Variants in TTC39B observed in about 807,000 individuals in gnomAD.
TTC39B encodes tetratricopeptide repeat protein 39B.
In TTC39B, 92 loss-of-function variants were observed where a neutral mutation model predicts 96.6. The observed-to-expected ratio is 0.95, with a 90% CI of 0.80 to 1.13. TTC39B has a LOEUF of 1.13. TTC39B is among the 50% of genes most tolerant of loss of function. The probability of loss-of-function intolerance (pLI) is 0.00; values close to 1 mark genes in which losing one functional copy is unlikely to be tolerated. For synonymous variants in TTC39B, 367 were observed against 299.4 expected (o/e 1.23, Z -2.33); for missense variants, 955 against 809.3 (o/e 1.18, Z -2.18).
chr9:15,195,851 T>C lies in TTC39B; in HGVS notation c.825-3156A>G, dbSNP rs1048142326. Among the ~76,000 whole-genome samples, 7 of 152,166 alleles carry C rather than the reference T, an allele frequency of 4.6e-5. No individual in the cohort carries two copies. In the East Asian group the frequency reaches 1.4e-3, roughly 29 times the overall value. On this transcript the variant is annotated intron_variant, in intron 8 of 19. Transcript: ENST00000512701. The stretch of plus-strand genomic sequence containing the variant: ...AAGAAGATGCTATCTAGAACTTTCA[T>C]ATCTAGAGAGGAGAAGTCAACGCCT...
intron 1 of TTC39B, among the ~76,000 whole-genome samples, chr9:15,293,097 T>C (rs1396897838): frequency 6.6e-6 from 1 of 152,240 alleles, no homozygotes; most frequent in Non-Finnish European, 1.5e-5. Flanking sequence ...GTTTTTTATA[T>C]TGTATACCAC....
chr9:15,173,536 A>T (rs1400194106), intron 19 of TTC39B, among the ~76,000 whole-genome samples: 1 of 152,052 alleles, frequency 6.6e-6, no homozygotes. Context: ...CTCATAACTG[A>T]CCATGCTCTT....
At chr9:15,219,803 ATT>A (rs1820740751) in intron 3 of TTC39B, among the ~76,000 whole-genome samples, 1 of 152,172 alleles carries the variant, frequency 6.6e-6, no homozygotes, top group South Asian at 2.1e-4. Flanking sequence ...AGAAAAGTCT[ATT>A]CTCTCAGCGA....
intron 2 of TTC39B, chr9:15,248,896 T>A (rs1164878802): frequency 6.6e-6 from 1 of 152,226 alleles, no homozygotes; most frequent in Admixed American, 6.5e-5. Flanking sequence ...TCAAACATAT[T>A]CTGCATCTAC....
At position 15,302,506 on chromosome 9, in the gene TTC39B, C is replaced by A. The variant is rs889391670; in HGVS notation, c.240+4578G>T. On this transcript the variant is annotated intron_variant, in intron 1 of 19. Coordinates refer to ENST00000512701, the Ensembl canonical transcript of TTC39B. ...GTGGCACATGCATCACGCCACTGCA[C>A]TCCAATCTGGGTGACAAAGCGAGAT... 5.2e-5 allele frequency among the ~76,000 whole-genome samples: 7 copies of A among 134,000 alleles called. No homozygotes were observed. The South Asian group carries it at 1.5e-3, about 28-fold the overall frequency. The allele number at this position is 134,000 out of a possible 152,430, so 87.9% of individuals were successfully genotyped here.
At chr9:15,295,130 A>G (rs974243636) in intron 1 of TTC39B, among the ~76,000 whole-genome samples, 3 of 152,214 alleles carry the variant, frequency 2.0e-5, no homozygotes, top group Non-Finnish European at 4.4e-5. Flanking sequence ...CATTACAAAC[A>G]AACTTAAACA....
intron 2 of TTC39B, among the ~76,000 whole-genome samples, chr9:15,255,340 T>C (rs1306826084): frequency 6.6e-6 from 1 of 151,946 alleles, no homozygotes; most frequent in Non-Finnish European, 1.5e-5. Context: ...TCACTATGCC[T>C]TTGAGGAGTT....
intron 6 of TTC39B, among the ~76,000 whole-genome samples, chr9:15,207,094 T>C (rs1436556273): frequency 6.6e-6 from 1 of 152,248 alleles, no homozygotes; most frequent in Non-Finnish European, 1.5e-5. Flanking sequence ...CCTCCTGCCA[T>C]GACTTTAAGT....
At chr9:15,289,985 C>A (rs554515708) in intron 1 of TTC39B, among the ~76,000 whole-genome samples, 1 of 152,264 alleles carries the variant, frequency 6.6e-6, no homozygotes, top group Admixed American at 6.5e-5. Flanking sequence ...CCCAAAAGCA[C>A]CCGTGCTCTC....
intron 4 of TTC39B, among the ~76,000 whole-genome samples, chr9:15,212,395 A>G (rs2131353557): frequency 6.6e-6 from 1 of 152,244 alleles, no homozygotes; most frequent in Admixed American, 6.5e-5. Flanking sequence ...AAAAAAAAAA[A>G]AATGATTCAA....
intron 2 of TTC39B, among the ~76,000 whole-genome samples, chr9:15,233,873 G>C (rs1179321189): frequency 6.6e-6 from 1 of 151,468 alleles, no homozygotes; most frequent in African/African-American, 2.4e-5. Flanking sequence ...AAAGTGAGGA[G>C]CGTCTCTGCC....
rs1817534915 is a variant in TTC39B, at chr9:15,167,003, TATATATATATATA to T, written c.*5003_*5015del. The T allele has an allele frequency of 2.6e-3, 22 of 8,468 alleles. 3 individuals are homozygous for T. The highest frequency in any genetic ancestry group is 6.4e-3 in the African/African-American group (19 of 2,948). The allele number at this position is 8,468 out of a possible 1,614,324, so 0.5% of individuals were successfully genotyped here. On this transcript the variant is annotated 3_prime_UTR_variant, in exon 20 of 20. Transcript: ENST00000512701. ...TATTTTATATATATATATATATATA[TATATATATATATA>T]TATATATATATATTTTTTTTTTTTT...
At chr9:15,215,014 G>A (rs1425441482) in intron 3 of TTC39B, among the ~76,000 whole-genome samples, 1 of 152,206 alleles carries the variant, frequency 6.6e-6, no homozygotes, top group African/African-American at 2.4e-5. Context: ...GGCACTTTAG[G>A]AGACTGAGGC....
chr9:15,186,809 C>T (rs1289800875), intron 15 of TTC39B, 135 bp downstream of exon 15: 2 of 774,798 alleles, frequency 2.6e-6, no homozygotes, highest in Non-Finnish European at 4.4e-6. Context: ...AATCCTCCCA[C>T]CTAAGCTTCC....
chr9:15,250,231 G>A (rs1822472580), intron 2 of TTC39B: 1 of 1,088,682 alleles, frequency 9.2e-7, no homozygotes, highest in Admixed American at 5.1e-5. Context: ...AGGAAGGGAT[G>A]CCGGGAGATT....
At chr9:15,230,098 GC>G (rs1821341098) in intron 2 of TTC39B, among the ~76,000 whole-genome samples, 1 of 152,152 alleles carries the variant, frequency 6.6e-6, no homozygotes. Flanking sequence ...TTGCAAAAGA[GC>G]CATGCTAAAT....
At chr9:15,277,030 A>G (rs1311335876) in intron 1 of TTC39B, among the ~76,000 whole-genome samples, 1 of 152,202 alleles carries the variant, frequency 6.6e-6, no homozygotes, top group East Asian at 1.9e-4. Context: ...GGATATTTAC[A>G]GCAAATAGGT....
At chr9:15,242,474 T>G (rs34121666) in intron 2 of TTC39B, among the ~76,000 whole-genome samples, 15,844 of 152,124 alleles carry the variant, frequency 0.1, 977 homozygotes, top group Non-Finnish European at 0.14. Context: ...TCCCAGCTAC[T>G]CAGGCGGCTG....
intron 4 of TTC39B, among the ~76,000 whole-genome samples, chr9:15,212,427 T>C (rs1820259916): frequency 6.6e-6 from 1 of 152,186 alleles, no homozygotes; most frequent in African/African-American, 2.4e-5. Flanking sequence ...GTATTTTTAT[T>C]TATTTAATTT....
Sources: gnomAD v4.1 joint callset for allele counts (sites outside exome capture counted in the v4.1 genomes callset) on GRCh38, gnomAD v4.1.1 for gene constraint, MANE v1.5 for transcripts, NCBI Gene and HGNC (gene_info 2026-07-23, HGNC 2026-07-21) for gene names.